PDE10A: variants seen among roughly 807,000 people sequenced by gnomAD.
PDE10A encodes the protein phosphodiesterase 10A.
PDE10A carries 39 observed loss-of-function variants against 97.7 expected under a neutral mutation model. The ratio of observed to expected loss-of-function variants is 0.40; its 90% CI spans 0.31 to 0.52. The LOEUF (loss-of-function observed/expected upper bound fraction) is 0.52. Ranked by LOEUF, PDE10A falls within the 20% of genes least tolerant of loss-of-function variation. The pLI is 0.56. For synonymous variants in PDE10A, 371 were observed against 376.8 expected (o/e 0.98, Z 0.18); for missense variants, 731 against 1,047.8 (o/e 0.70, Z 4.17).
chr6:165,514,023 T>A (rs989208999), intron 2 of PDE10A, among the ~76,000 whole-genome samples: 1 of 152,196 alleles, frequency 6.6e-6, no homozygotes, highest in Non-Finnish European at 1.5e-5. Context: ...ACAACTGTCC[T>A]TCTACTCTGC....
chr6:165,837,827 A>G (rs1343081196), intron 1 of PDE10A, among the ~76,000 whole-genome samples: 1 of 151,940 alleles, frequency 6.6e-6, no homozygotes, highest in Non-Finnish European at 1.5e-5. Context: ...CTGGGACTAC[A>G]GGCGCCCGCC....
intron 2 of PDE10A, among the ~76,000 whole-genome samples, chr6:165,531,454 T>C (rs969782064): frequency 5.3e-5 from 8 of 152,100 alleles, no homozygotes; most frequent in African/African-American, 1.9e-4. Flanking sequence ...TGACTAATGA[T>C]AATTTATTAT....
At chr6:165,599,870 G>A (rs1041395414) in intron 1 of PDE10A, among the ~76,000 whole-genome samples, 4 of 152,084 alleles carry the variant, frequency 2.6e-5, no homozygotes, top group African/African-American at 9.7e-5. Context: ...GCCTAGGAAC[G>A]CAGTCTTGCA....
chr6:165,745,738 C>T (rs1792828336), intron 1 of PDE10A, among the ~76,000 whole-genome samples: 1 of 152,172 alleles, frequency 6.6e-6, no homozygotes, highest in Admixed American at 6.5e-5. Flanking sequence ...ATGCAATCCT[C>T]ATAAGGACAT....
intron 1 of PDE10A, among the ~76,000 whole-genome samples, chr6:165,984,396 A>T (rs77281972): frequency 3.1e-3 from 476 of 152,352 alleles, no homozygotes; most frequent in African/African-American, 0.011. Flanking sequence ...TTGCTGAAAT[A>T]CAATTCTTAT....
intron 1 of PDE10A, among the ~76,000 whole-genome samples, chr6:165,593,645 A>G (rs1346122574): frequency 1.3e-5 from 2 of 152,216 alleles, no homozygotes; most frequent in Non-Finnish European, 2.9e-5. Context: ...TTACATTTCA[A>G]TTTATTTAAA....
chr6:165,741,236 C>A (rs1792712511), intron 1 of PDE10A, among the ~76,000 whole-genome samples: 1 of 152,050 alleles, frequency 6.6e-6, no homozygotes, highest in East Asian at 1.9e-4. Flanking sequence ...TTATTTTGTA[C>A]ATCTTAAATA....
intron 1 of PDE10A, among the ~76,000 whole-genome samples, chr6:165,777,789 A>G (rs1778227771): frequency 1.3e-5 from 2 of 152,230 alleles, no homozygotes; most frequent in South Asian, 4.2e-4. Flanking sequence ...ATAATGGATC[A>G]CTCGTGAGCC....
chr6:165,761,720 A>G (rs1381429374), intron 1 of PDE10A, among the ~76,000 whole-genome samples: 1 of 152,102 alleles, frequency 6.6e-6, no homozygotes, highest in Non-Finnish European at 1.5e-5. Context: ...TATCTTTTAA[A>G]TGAAAATTTA....
At chr6:165,906,162 G>A (rs1310344164) in intron 1 of PDE10A, among the ~76,000 whole-genome samples, 1 of 144,450 alleles carries the variant, frequency 6.9e-6, no homozygotes, top group Non-Finnish European at 1.5e-5. Flanking sequence ...CAAAGCCAGT[G>A]ATCTTGGAAT....
At chr6:165,599,934 G>T (rs1786838560) in intron 1 of PDE10A, among the ~76,000 whole-genome samples, 1 of 152,088 alleles carries the variant, frequency 6.6e-6, no homozygotes, top group South Asian at 2.1e-4. Flanking sequence ...CACACTGATG[G>T]GGTCTCCCAT....
rs1781437905 is a variant in PDE10A, at chr6:165,333,103, C to T, written c.3090G>A (p.Lys1030=). ...TTGCAGTCTCCTCCCCTCGAATCAC[C>T]TTCTCCCACTGACTGAGATTATCCC... ...ACRDNLSQWE[K]VIRGEETATW... Residue 1030 remains lysine (K), a synonymous_variant, in exon 22 of 22, where the codon AAG becomes AAA. Coordinates refer to ENST00000539869, the MANE Select transcript of PDE10A (RefSeq NM_001385079.1). 6.2e-7 allele frequency: 1 copy of T among 1,608,486 alleles called. No homozygotes were observed. The highest frequency in any genetic ancestry group is 8.5e-7 in the Non-Finnish European group (1 of 1,174,842).
At chr6:165,357,875 C>T (rs952147388) in intron 18 of PDE10A, among the ~76,000 whole-genome samples, 5 of 151,980 alleles carry the variant, frequency 3.3e-5, no homozygotes, top group African/African-American at 7.2e-5. Flanking sequence ...ATTTACTTCC[C>T]ACAAGTTAGG....
intron 18 of PDE10A, among the ~76,000 whole-genome samples, chr6:165,357,184 A>C (rs1783081907): frequency 6.6e-6 from 1 of 152,142 alleles, no homozygotes; most frequent in South Asian, 2.1e-4. Context: ...AATTTTGGAA[A>C]TGTTAAGCCA....
chr6:165,552,907 T>A lies in PDE10A; in HGVS notation c.866-9339A>T, dbSNP rs539101868. ...ACTAATAGGGAGTGCTATAGGTTTG[T>A]TTGCTGAAAACGGCCCAGTTCACAA... On this transcript the variant is annotated intron_variant, in intron 1 of 21. Transcript: ENST00000539869. Among the ~76,000 whole-genome samples the A allele has an allele frequency of 6.6e-5, 10 of 152,240 alleles. No homozygotes were observed. In the South Asian group the frequency reaches 2.1e-3, roughly 32 times the overall value.
At chr6:165,522,704 T>G (rs1782202536) in intron 2 of PDE10A, among the ~76,000 whole-genome samples, 1 of 151,958 alleles carries the variant, frequency 6.6e-6, no homozygotes, top group African/African-American at 2.4e-5. Context: ...TCTAGTTTAA[T>G]AACTGAAACA....
At chr6:165,764,668 C>A (rs1049155047) in intron 1 of PDE10A, among the ~76,000 whole-genome samples, 4 of 151,990 alleles carry the variant, frequency 2.6e-5, no homozygotes, top group African/African-American at 7.3e-5. Flanking sequence ...TTCCTCCTGG[C>A]GGGCTTATAG....
At chr6:165,677,788 C>T (rs969757608) in intron 1 of PDE10A, among the ~76,000 whole-genome samples, 23 of 151,466 alleles carry the variant, frequency 1.5e-4, no homozygotes, top group South Asian at 2.1e-4. Context: ...TGTGTAAATG[C>T]GGGTATATTT....
chr6:165,452,820 C>T (rs911416995), intron 3 of PDE10A, among the ~76,000 whole-genome samples: 9 of 145,676 alleles, frequency 6.2e-5, no homozygotes, highest in African/African-American at 2.3e-4. Context: ...GAGTAGAGGA[C>T]AAAAGAACTT....
Sources: gnomAD v4.1 joint callset for allele counts (sites outside exome capture counted in the v4.1 genomes callset) on GRCh38, gnomAD v4.1.1 for gene constraint, MANE v1.5 for transcripts, NCBI Gene and HGNC (gene_info 2026-07-23, HGNC 2026-07-21) for gene names.